Variants in CHSY1 observed in about 807,000 individuals in gnomAD.
The protein encoded by CHSY1 is chondroitin sulfate synthase 1, also known as N-acetylgalactosaminyl-proteoglycan 3-beta-glucuronosyltransferase 1.
CHSY1 carries 13 observed loss-of-function variants against 59.8 expected under a neutral mutation model. The observed-to-expected ratio is 0.22, with a 90% CI of 0.14 to 0.35. The LOEUF (loss-of-function observed/expected upper bound fraction) is 0.35, where lower values mean the gene tolerates loss of function less well. Among genes scored for constraint, CHSY1 ranks in the 10% least tolerant of loss-of-function variants. The probability of loss-of-function intolerance (pLI) is 1.00; values close to 1 mark genes in which losing one functional copy is unlikely to be tolerated. For missense variants in CHSY1, 947 were observed against 1,030.6 expected, an observed-to-expected ratio of 0.92 and a Z score of 1.11; for synonymous variants, 459 against 401.2, an observed-to-expected ratio of 1.14 and a Z score of -1.72.
intron 1 of CHSY1, among the ~76,000 whole-genome samples, chr15:101,250,762 C>T (rs1423426982): frequency 6.6e-6 from 1 of 152,176 alleles, no homozygotes; most frequent in Non-Finnish European, 1.5e-5. Flanking sequence ...CAGTATCAGC[C>T]CCAACTGCCT....
intron 1 of CHSY1, 61 bp downstream of exon 1, chr15:101,251,076 C>G: frequency 1.4e-6 from 2 of 1,476,146 alleles, no homozygotes; most frequent in South Asian, 2.4e-5. Context: ...GGAGAGCACC[C>G]GGGATGCCGG....
chr15:101,242,037 GT>G (rs2039008279), intron 1 of CHSY1, among the ~76,000 whole-genome samples: 1 of 151,972 alleles, frequency 6.6e-6, no homozygotes, highest in African/African-American at 2.4e-5. Flanking sequence ...TACTTGTATT[GT>G]TTTTATTATT....
In CHSY1 at chr15:101,191,430, T is replaced by C. The variant is rs149283906; in HGVS notation, c.817-12450A>G. On this transcript the variant is annotated intron_variant, in intron 2 of 2. Transcript: ENST00000254190. ...CCAGGGGTTACAGGGGAAGGAAGGA[T>C]GACCAGGCAGATCACAGAGGATTTT... Among the ~76,000 whole-genome samples, 8 of 152,338 alleles carry C rather than the reference T, an allele frequency of 5.3e-5. No individual in the cohort carries two copies. In the East Asian group the frequency reaches 1.5e-3, roughly 29 times the overall value.
At chr15:101,215,096 C>T (rs1282649127) in intron 2 of CHSY1, among the ~76,000 whole-genome samples, 3 of 152,152 alleles carry the variant, frequency 2.0e-5, no homozygotes, top group Non-Finnish European at 4.4e-5. Context: ...GAGTCTTCAC[C>T]AGAAGCCAAG....
At chr15:101,243,151 G>A (rs2039019122) in intron 1 of CHSY1, among the ~76,000 whole-genome samples, 1 of 152,128 alleles carries the variant, frequency 6.6e-6, no homozygotes. Context: ...AGAGCTACGA[G>A]GAGCCCGCCC....
intron 1 of CHSY1, among the ~76,000 whole-genome samples, chr15:101,236,065 C>G (rs561617333): frequency 6.6e-6 from 1 of 152,198 alleles, no homozygotes; most frequent in East Asian, 1.9e-4. Flanking sequence ...CAGACACTTA[C>G]CAGAATAATG....
chr15:101,230,486 T>TACA (rs1355792765), intron 2 of CHSY1, among the ~76,000 whole-genome samples: 1 of 152,204 alleles, frequency 6.6e-6, no homozygotes, highest in Non-Finnish European at 1.5e-5. Flanking sequence ...TTGATCCTTA[T>TACA]ACAACATATA....
At chr15:101,187,614 T>C (rs1244110911) in intron 2 of CHSY1, 1 of 152,190 alleles carries the variant, frequency 6.6e-6, no homozygotes, top group African/African-American at 2.4e-5. Context: ...AGAAGAATAT[T>C]ATAAAACAGA....
chr15:101,239,518 T>G (rs986203874), intron 1 of CHSY1, among the ~76,000 whole-genome samples: 3 of 151,982 alleles, frequency 2.0e-5, no homozygotes, highest in African/African-American at 7.3e-5. Flanking sequence ...TAAACGGGGG[T>G]TGTTGTGAGG....
chr15:101,185,221 A>T (rs1596426502), intron 2 of CHSY1, among the ~76,000 whole-genome samples: 2 of 152,386 alleles, frequency 1.3e-5, no homozygotes, highest in East Asian at 3.9e-4. Context: ...GCTCTTTAAG[A>T]ACAGGAAATG....
intron 1 of CHSY1, among the ~76,000 whole-genome samples, chr15:101,244,426 C>T (rs113699225): frequency 2.0e-5 from 3 of 152,302 alleles, no homozygotes; most frequent in African/African-American, 4.8e-5. Context: ...GAAACGAGAA[C>T]GGGCTGCAGC....
At chr15:101,188,666 G>C (rs111434193) in intron 2 of CHSY1, among the ~76,000 whole-genome samples, 3,331 of 152,078 alleles carry the variant, frequency 0.022, 50 homozygotes, top group East Asian at 0.1. Context: ...ACACCTTTTA[G>C]AGAAGCCTGA....
intron 1 of CHSY1, among the ~76,000 whole-genome samples, chr15:101,248,632 A>C (rs1439248520): frequency 6.6e-6 from 1 of 152,250 alleles, no homozygotes; most frequent in South Asian, 2.1e-4. Context: ...CTGAAAAAAA[A>C]ATAATAAATA....
intron 1 of CHSY1, among the ~76,000 whole-genome samples, chr15:101,248,068 A>G (rs2039068774): frequency 6.6e-6 from 1 of 152,214 alleles, no homozygotes; most frequent in Admixed American, 6.5e-5. Flanking sequence ...AAACAAAACT[A>G]CAGTTTTCGA....
intron 2 of CHSY1, among the ~76,000 whole-genome samples, chr15:101,185,853 G>A (rs1470974157): frequency 2.6e-5 from 4 of 151,734 alleles, no homozygotes; most frequent in South Asian, 4.2e-4. Context: ...TTTGCTCTAG[G>A]CACATCAAGG....
chr15:101,233,203 C>A (rs915961149), intron 2 of CHSY1, among the ~76,000 whole-genome samples: 5 of 152,200 alleles, frequency 3.3e-5, no homozygotes, highest in African/African-American at 1.2e-4. Flanking sequence ...GGCCTCCCAC[C>A]CTGCAGCCCC....
chr15:101,194,430 T>G (rs1235970154), intron 2 of CHSY1, among the ~76,000 whole-genome samples: 1 of 152,250 alleles, frequency 6.6e-6, no homozygotes, highest in Admixed American at 6.5e-5. Flanking sequence ...TATTTCAAAA[T>G]GATATTTCAC....
At chr15:101,187,894 G>A (rs1023584681) in intron 2 of CHSY1, 10 of 303,144 alleles carry the variant, frequency 3.3e-5, no homozygotes, top group Non-Finnish European at 4.8e-5. Flanking sequence ...CAGTGAATCT[G>A]AGAGGGGCTA....
At chr15:101,216,452 T>C (rs1056227782) in intron 2 of CHSY1, among the ~76,000 whole-genome samples, 2 of 152,234 alleles carry the variant, frequency 1.3e-5, no homozygotes, top group Non-Finnish European at 2.9e-5. Flanking sequence ...CAAATGTTTA[T>C]AGCAGCTTTA....
Sources: gnomAD v4.1 joint callset for allele counts (sites outside exome capture counted in the v4.1 genomes callset) on GRCh38, gnomAD v4.1.1 for gene constraint, MANE v1.5 for transcripts, NCBI Gene and HGNC (gene_info 2026-07-23, HGNC 2026-07-21) for gene names.